EML5: variants seen among roughly 807,000 people sequenced by gnomAD.
The protein encoded by EML5 is EMAP like 5.
Under a neutral mutation model 250.0 loss-of-function variants are expected in EML5, and 120 were observed. That is an observed-to-expected ratio of 0.48 (90% CI 0.41 to 0.56). The LOEUF (loss-of-function observed/expected upper bound fraction) is 0.56. Ranked by LOEUF, EML5 falls within the 20% of genes least tolerant of loss-of-function variation. EML5 has a pLI of 0.00. For missense variants in EML5, 2,006 were observed against 2,437.6 expected (o/e 0.82, Z 3.73); for synonymous variants, 771 against 806.5 (o/e 0.96, Z 0.75).
chr14:88,630,994 C>T (rs2090408320), intron 33 of EML5, among the ~76,000 whole-genome samples: 1 of 152,160 alleles, frequency 6.6e-6, no homozygotes, highest in African/African-American at 2.4e-5. Context: ...TTTCCTTATC[C>T]TCTGCTGTAA....
At chr14:88,728,318 T>A (rs1266382342) in intron 7 of EML5, among the ~76,000 whole-genome samples, 2 of 139,960 alleles carry the variant, frequency 1.4e-5, no homozygotes, top group Non-Finnish European at 3.2e-5. Context: ...GACCCTTGAA[T>A]AATGCACCAG....
chr14:88,700,526 C>A (rs140645123), intron 14 of EML5, among the ~76,000 whole-genome samples: 1 of 152,084 alleles, frequency 6.6e-6, no homozygotes, highest in Non-Finnish European at 1.5e-5. Flanking sequence ...GGAATTCTTC[C>A]AACGACTTAA....
intron 1 of EML5, among the ~76,000 whole-genome samples, chr14:88,772,446 C>T (rs564602279): frequency 2.0e-5 from 3 of 152,350 alleles, no homozygotes; most frequent in Admixed American, 1.3e-4. Context: ...TCTAAGATGG[C>T]ACTTTCAAGC....
chr14:88,644,590 G>C (rs2091248023), intron 29 of EML5, 79 bp from the exon 30 acceptor site: 1 of 1,352,264 alleles, frequency 7.4e-7, no homozygotes, highest in African/African-American at 1.4e-5. Context: ...ATCCCTCCCA[G>C]AGAGGTGTCT....
rs757526112 is a variant in EML5 at position 88,658,211 on chromosome 14, C to T, written c.3853G>A (p.Asp1285Asn). ...EKRPCDSEES[D>N]IDSEEDGGYD... ...CCCCCATCTTCTTCAGAATCAATGT[C>T]GGATTCTTCACTATCACAAGGCCTT... The change falls in exon 26 of 44, where the codon GAC becomes AAC. Residue 1285 changes from aspartate to asparagine, a missense_variant. Physicochemically the swap from Asp to Asn is conservative, Grantham distance 23 (BLOSUM62 1). Transcript: ENST00000554922. The T allele has an allele frequency of 2.2e-5, 35 of 1,613,690 alleles. No homozygotes were observed. The highest frequency in any genetic ancestry group is 1.7e-4 in the Middle Eastern group (1 of 6,056).
chr14:88,702,014 C>T (rs2093221361), intron 14 of EML5, among the ~76,000 whole-genome samples: 1 of 152,070 alleles, frequency 6.6e-6, no homozygotes, highest in African/African-American at 2.4e-5. Flanking sequence ...GTGCTTTCTA[C>T]TTTGGTAAAC....
intron 1 of EML5, among the ~76,000 whole-genome samples, chr14:88,769,740 T>C (rs1412009996): frequency 6.6e-6 from 1 of 152,208 alleles, no homozygotes; most frequent in African/African-American, 2.4e-5. Flanking sequence ...ACATTCTGTA[T>C]CTAAGTATTT....
intron 21 of EML5, among the ~76,000 whole-genome samples, chr14:88,672,047 G>A (rs146992914): frequency 2.4e-4 from 37 of 152,140 alleles, no homozygotes; most frequent in African/African-American, 7.5e-4. Context: ...CGGATCAAGC[G>A]GACCTGATAG....
intron 8 of EML5, among the ~76,000 whole-genome samples, chr14:88,722,858 T>G (rs952861375): frequency 1.3e-5 from 2 of 152,198 alleles, no homozygotes; most frequent in Non-Finnish European, 2.9e-5. Flanking sequence ...CATGTTTACC[T>G]ACATAACAAA....
intron 32 of EML5, among the ~76,000 whole-genome samples, chr14:88,636,921 C>A (rs1015863087): frequency 2.6e-5 from 4 of 152,096 alleles, no homozygotes; most frequent in African/African-American, 9.7e-5. Context: ...ACAGAGAGGA[C>A]AAAATGATAT....
chr14:88,694,438 G>A, intron 16 of EML5, 31 bp from the exon 17 acceptor site: 1 of 1,411,524 alleles, frequency 7.1e-7, no homozygotes, highest in South Asian at 1.3e-5. Flanking sequence ...TTTTAGCTCT[G>A]AAGATTCATC....
chr14:88,729,905 G>T (rs2093729160), intron 7 of EML5, among the ~76,000 whole-genome samples: 1 of 147,740 alleles, frequency 6.8e-6, no homozygotes, highest in African/African-American at 2.5e-5. Context: ...TATTGTCTAT[G>T]GCTTACATAC....
intron 28 of EML5, among the ~76,000 whole-genome samples, chr14:88,648,875 T>A (rs1413179945): frequency 2.0e-5 from 3 of 152,124 alleles, no homozygotes; most frequent in Non-Finnish European, 4.4e-5. Context: ...TGAACTCATA[T>A]CTTTGTACAC....
intron 1 of EML5, among the ~76,000 whole-genome samples, chr14:88,777,832 G>T (rs935114580): frequency 9.9e-5 from 15 of 152,058 alleles, no homozygotes; most frequent in Non-Finnish European, 2.1e-4. Flanking sequence ...AAAATTAGCT[G>T]GACATGGTGG....
chr14:88,719,095 T>C (rs896635460), intron 8 of EML5, among the ~76,000 whole-genome samples: 2 of 152,140 alleles, frequency 1.3e-5, no homozygotes, highest in Non-Finnish European at 2.9e-5. Flanking sequence ...GAATCTAAAA[T>C]GACAATTTGA....
intron 36 of EML5, chr14:88,622,948 T>C: frequency 2.5e-6 from 1 of 398,084 alleles, no homozygotes. Flanking sequence ...ATACTCTTTT[T>C]TTCTGACATG....
intron 36 of EML5, 33 bp from the exon 37 acceptor site, chr14:88,622,751 A>G (rs761126771): frequency 1.1e-5 from 16 of 1,457,490 alleles, no homozygotes; most frequent in Non-Finnish European, 1.5e-5. Context: ...GTAAGTGTTC[A>G]TTATTGGCTA....
At chr14:88,715,761 G>A (rs553950881) in intron 8 of EML5, among the ~76,000 whole-genome samples, 4 of 151,646 alleles carry the variant, frequency 2.6e-5, no homozygotes, top group Admixed American at 2.0e-4. Context: ...GGGATCAAGC[G>A]ATTCTCACCT....
chr14:88,683,288 A>G (rs1003915490), intron 20 of EML5, among the ~76,000 whole-genome samples: 2 of 152,344 alleles, frequency 1.3e-5, no homozygotes, highest in African/African-American at 2.4e-5. Flanking sequence ...CTGGAGTCAG[A>G]AACAAACCTC....
Sources: allele counts gnomAD v4.1 joint callset (sites outside exome capture counted in the v4.1 genomes callset), GRCh38; gene constraint gnomAD v4.1.1; transcripts MANE v1.5; gene names NCBI Gene and HGNC (gene_info 2026-07-23, HGNC 2026-07-21).